The following CACNA2D1 variants were observed in gnomAD, a reference collection of about 807,000 sequenced individuals.
CACNA2D1 encodes the protein voltage-dependent calcium channel subunit alpha-2/delta-1.
A neutral mutation model predicts 171.5 loss-of-function variants in CACNA2D1; 53 were observed. That is an observed-to-expected ratio of 0.31 (90% CI 0.25 to 0.39). The LOEUF is 0.39. Among genes scored for constraint, CACNA2D1 ranks in the 10% least tolerant of loss-of-function variants. CACNA2D1 has a pLI of 1.00. For missense variants in CACNA2D1, 903 were observed against 1,299.8 expected (o/e 0.69, Z 4.69); for synonymous variants, 442 against 443.1 (o/e 1.00, Z 0.03).
At chr7:82,111,325 C>A (rs543849636) in intron 6 of CACNA2D1, among the ~76,000 whole-genome samples, 1 of 110,346 alleles carries the variant, frequency 9.1e-6, no homozygotes, top group African/African-American at 3.9e-5. Flanking sequence ...CGTGTATATA[C>A]GCATACACGT....
intron 15 of CACNA2D1, among the ~76,000 whole-genome samples, chr7:82,009,533 C>T (rs1344782206): frequency 6.6e-6 from 1 of 151,962 alleles, no homozygotes; most frequent in Non-Finnish European, 1.5e-5. Context: ...TCTGTTAGAG[C>T]TATAATCTAT....
chr7:82,226,040 A>C (rs916523002), intron 3 of CACNA2D1, among the ~76,000 whole-genome samples: 7 of 152,116 alleles, frequency 4.6e-5, no homozygotes, highest in Non-Finnish European at 1.0e-4. Context: ...TTTTTTTTGA[A>C]ATGTATCAAA....
intron 7 of CACNA2D1, 88 bp from the exon 8 acceptor site, chr7:82,066,612 T>G: frequency 2.7e-6 from 4 of 1,486,306 alleles, no homozygotes; most frequent in Non-Finnish European, 3.6e-6. Flanking sequence ...CAAAAAGCAA[T>G]AGATACATAA....
chr7:82,364,320 T>G lies in CACNA2D1; in HGVS notation c.96-14671A>C, dbSNP rs965102942. Among the ~76,000 whole-genome samples the G allele has an allele frequency of 4.2e-4, 64 of 152,282 alleles. 1 individual carries two copies. The highest frequency in any genetic ancestry group is 3.4e-3 in the Middle Eastern group (1 of 294). ...AATGTCAAAGATAGAGCAAATCAAT[T>G]GAGAACTATGGATCTAGCTCAAGAA... On this transcript the variant is annotated intron_variant, in intron 1 of 38. Transcript: ENST00000356860.
chr7:81,970,186 C>A (rs1308941217), intron 27 of CACNA2D1, among the ~76,000 whole-genome samples: 1 of 151,416 alleles, frequency 6.6e-6, no homozygotes, highest in Non-Finnish European at 1.5e-5. Context: ...AAAAAGCTAA[C>A]TCCTAGTTTT....
At chr7:82,124,385 A>T (rs1790092073) in intron 5 of CACNA2D1, among the ~76,000 whole-genome samples, 1 of 152,134 alleles carries the variant, frequency 6.6e-6, no homozygotes, top group Non-Finnish European at 1.5e-5. Flanking sequence ...TCCCACAACC[A>T]ATCAGACTGG....
intron 6 of CACNA2D1, among the ~76,000 whole-genome samples, chr7:82,093,101 T>G (rs1234429051): frequency 1.3e-5 from 2 of 152,154 alleles, no homozygotes; most frequent in Non-Finnish European, 2.9e-5. Context: ...ATGTAATGTG[T>G]GCAAAAACTA....
chr7:82,432,894 T>G, intron 1 of CACNA2D1, among the ~76,000 whole-genome samples: 1 of 152,206 alleles, frequency 6.6e-6, no homozygotes, highest in East Asian at 1.9e-4. Context: ...ACTTAAAATC[T>G]AATGACATCG....
At chr7:82,024,367 A>G (rs760413581) in intron 12 of CACNA2D1, among the ~76,000 whole-genome samples, 4 of 151,600 alleles carry the variant, frequency 2.6e-5, no homozygotes, top group Non-Finnish European at 5.9e-5. Context: ...ATGATATCTC[A>G]TTTTGGTTTT....
chr7:82,308,249 T>C (rs1813976624), intron 3 of CACNA2D1, among the ~76,000 whole-genome samples: 1 of 152,112 alleles, frequency 6.6e-6, no homozygotes, highest in East Asian at 1.9e-4. Flanking sequence ...TGTTCCCCCT[T>C]CAAACCCATA....
At chr7:81,951,991 T>TTTTTTTTTTTTTTTTTTTA (rs1386764468) in intron 38 of CACNA2D1, among the ~76,000 whole-genome samples, 2 of 146,468 alleles carry the variant, frequency 1.4e-5, no homozygotes. Flanking sequence ...TTTTTTTTTT[T>TTTTTTTTTTTTTTTTTTTA]AACCACATCC....
chr7:82,197,335 G>C (rs183427097), intron 3 of CACNA2D1, among the ~76,000 whole-genome samples: 1 of 152,102 alleles, frequency 6.6e-6, no homozygotes, highest in East Asian at 1.9e-4. Context: ...TACATCTGAT[G>C]TTTTAAGCAC....
intron 36 of CACNA2D1, among the ~76,000 whole-genome samples, chr7:81,961,676 A>G (rs551483918): frequency 1.3e-5 from 2 of 152,148 alleles, no homozygotes; most frequent in South Asian, 4.1e-4. Context: ...ACAGCTTATC[A>G]AAGTTAGAAT....
chr7:82,097,658 T>A (rs1453883142), intron 6 of CACNA2D1, among the ~76,000 whole-genome samples: 1 of 151,990 alleles, frequency 6.6e-6, no homozygotes, highest in Admixed American at 6.6e-5. Flanking sequence ...TAAACCGCGT[T>A]GTTTAAAAAA....
chr7:82,021,526 G>A (rs992727204), intron 12 of CACNA2D1, among the ~76,000 whole-genome samples: 2 of 151,996 alleles, frequency 1.3e-5, no homozygotes, highest in African/African-American at 4.8e-5. Context: ...TAGATTAGGA[G>A]CATATTTATT....
rs571662622 is a variant in CACNA2D1 at position 82,020,228 on chromosome 7, G to A, written c.1144-5749C>T. Among the ~76,000 whole-genome samples the A allele has an allele frequency of 7.9e-5, 12 of 152,206 alleles. No homozygotes were observed. In the South Asian group the frequency reaches 2.5e-3, roughly 32 times the overall value. Reference sequence around the variant, plus strand: ...TGACTTGAAGGCAGGCTCCTGGGTGGGCAAATTATGATTAGCATAGCCACA... The same window carrying A: ...TGACTTGAAGGCAGGCTCCTGGGTGAGCAAATTATGATTAGCATAGCCACA... On this transcript the variant is annotated intron_variant, in intron 12 of 38. Coordinates refer to ENST00000356860, the MANE Select transcript of CACNA2D1 (RefSeq NM_000722.4).
chr7:82,359,773 T>C (rs1001036460), intron 1 of CACNA2D1, among the ~76,000 whole-genome samples: 2 of 152,214 alleles, frequency 1.3e-5, no homozygotes, highest in African/African-American at 4.8e-5. Flanking sequence ...CAATATTTAA[T>C]TTCCTTGAAT....
intron 1 of CACNA2D1, among the ~76,000 whole-genome samples, chr7:82,411,791 C>G (rs911278924): frequency 2.0e-5 from 3 of 151,912 alleles, no homozygotes; most frequent in African/African-American, 4.8e-5. Flanking sequence ...TAGGCATGCA[C>G]AGGACATGTC....
intron 3 of CACNA2D1, among the ~76,000 whole-genome samples, chr7:82,267,563 A>T (rs1408996282): frequency 2.0e-5 from 3 of 152,222 alleles, no homozygotes; most frequent in African/African-American, 7.2e-5. Flanking sequence ...TATTTCTCCC[A>T]TTAGCCTGGA....
Sources: allele counts gnomAD v4.1 joint callset (sites outside exome capture counted in the v4.1 genomes callset), GRCh38; gene constraint gnomAD v4.1.1; transcripts MANE v1.5; gene names NCBI Gene and HGNC (gene_info 2026-07-23, HGNC 2026-07-21).